The following ABCC4 variants were observed in gnomAD, a reference collection of about 807,000 sequenced individuals.
The protein encoded by ABCC4 is ATP binding cassette subfamily C member 4 (PEL blood group).
In ABCC4, 102 loss-of-function variants were observed where a neutral mutation model predicts 168.5. That is an observed-to-expected ratio of 0.61 (90% CI 0.52 to 0.71). The LOEUF is 0.71. ABCC4 is among the 30% of genes least tolerant of loss of function. ABCC4 has a pLI of 0.00. For synonymous variants in ABCC4, 617 were observed against 590.7 expected, an observed-to-expected ratio of 1.04 and a Z score of -0.65; for missense variants, 1,402 against 1,605.8, an observed-to-expected ratio of 0.87 and a Z score of 2.17.
chr13:95,167,002 C>T (rs148523342), intron 14 of ABCC4, among the ~76,000 whole-genome samples: 1,630 of 152,090 alleles, frequency 0.011, 16 homozygotes, highest in Non-Finnish European at 0.017. Context: ...GCCTGGCCAA[C>T]ATGATGAAAC....
intron 1 of ABCC4, among the ~76,000 whole-genome samples, chr13:95,273,274 G>C (rs2040888324): frequency 6.6e-6 from 1 of 152,210 alleles, no homozygotes; most frequent in South Asian, 2.1e-4. Flanking sequence ...GCTTTGACAA[G>C]GTAGGGCCTC....
intron 9 of ABCC4, among the ~76,000 whole-genome samples, chr13:95,194,037 T>C (rs2139642025): frequency 6.6e-6 from 1 of 152,332 alleles, no homozygotes; most frequent in South Asian, 2.1e-4. Context: ...GCCATAGTAG[T>C]GGCGTCTATG....
chr13:95,083,743 G>A (rs1325137735), intron 20 of ABCC4, among the ~76,000 whole-genome samples: 5 of 151,896 alleles, frequency 3.3e-5, no homozygotes, highest in South Asian at 2.1e-4. Flanking sequence ...GGCTGGTCTC[G>A]AACTCCCGAT....
chr13:95,142,727 A>G (rs951571492), intron 19 of ABCC4, among the ~76,000 whole-genome samples: 1 of 152,204 alleles, frequency 6.6e-6, no homozygotes, highest in Non-Finnish European at 1.5e-5. Flanking sequence ...TCATCATACT[A>G]CTTGTGAAAA....
intron 19 of ABCC4, among the ~76,000 whole-genome samples, chr13:95,126,062 A>G (rs1323774340): frequency 6.6e-6 from 1 of 152,214 alleles, no homozygotes; most frequent in Non-Finnish European, 1.5e-5. Flanking sequence ...TAAACCAGGA[A>G]CCACAGGACA....
intron 27 of ABCC4, among the ~76,000 whole-genome samples, chr13:95,050,401 G>T (rs2032778992): frequency 6.6e-6 from 1 of 152,096 alleles, no homozygotes; most frequent in Non-Finnish European, 1.5e-5. Context: ...AAGAATACAA[G>T]CACCCAGAAG....
At chr13:95,247,186 AC>A (rs764036345) in intron 2 of ABCC4, 91 bp from the exon 3 acceptor site, 3 of 1,408,392 alleles carry the variant, frequency 2.1e-6, no homozygotes, top group Non-Finnish European at 2.9e-6. Context: ...TGCATTTAAG[AC>A]AGGGCATTTT....
chr13:95,234,743 G>C lies in ABCC4; in HGVS notation c.398C>G (p.Thr133Arg), dbSNP rs1436317435. The change falls in exon 4 of 31, where the codon ACA becomes AGA. Residue 133 changes from threonine to arginine, a missense_variant. By Grantham distance (71) the Thr-to-Arg change is moderately conservative. Transcript: ENST00000645237. ...CAGCACCGTGGCATAGGCGTACGCT[G>C]TGTTCAAAGCCACAGAATCCATGGG... ...YDPMDSVALN[T>R]AYAYATVLTF... is the part of the protein sequence containing the mutation. 1 of 1,613,982 alleles carries C rather than the reference G, an allele frequency of 6.2e-7. No individual in the cohort carries two copies. The highest frequency in any genetic ancestry group is 8.5e-7 in the Non-Finnish European group (1 of 1,179,956).
intron 30 of ABCC4, among the ~76,000 whole-genome samples, chr13:95,030,685 G>T (rs2031840859): frequency 6.6e-6 from 1 of 152,106 alleles, no homozygotes; most frequent in African/African-American, 2.4e-5. Context: ...ATAGCCATCT[G>T]CAAGCCAAGG....
chr13:95,180,183 T>C (rs1012197574), intron 11 of ABCC4, among the ~76,000 whole-genome samples: 1 of 152,222 alleles, frequency 6.6e-6, no homozygotes, highest in African/African-American at 2.4e-5. Flanking sequence ...AAGTGCCCCA[T>C]TATGAAAATT....
intron 8 of ABCC4, among the ~76,000 whole-genome samples, chr13:95,199,144 T>C (rs1594283777): frequency 6.6e-6 from 1 of 152,236 alleles, no homozygotes; most frequent in East Asian, 1.9e-4. Flanking sequence ...AATAGAAATA[T>C]AAAAATATTT....
chr13:95,024,955 GAGA>G (rs1284830495), intron 30 of ABCC4, among the ~76,000 whole-genome samples: 1 of 151,996 alleles, frequency 6.6e-6, no homozygotes, highest in Non-Finnish European at 1.5e-5. Context: ...TGGCAAGGCT[GAGA>G]AGATGTCTAT....
chr13:95,281,165 C>G (rs1287932442), intron 1 of ABCC4, among the ~76,000 whole-genome samples: 2 of 151,754 alleles, frequency 1.3e-5, no homozygotes, highest in Admixed American at 1.3e-4. Flanking sequence ...CAAAAATTAG[C>G]TGGGTGTGGT....
chr13:95,196,823 A>G (rs2038470630), intron 8 of ABCC4, among the ~76,000 whole-genome samples: 2 of 152,062 alleles, frequency 1.3e-5, no homozygotes, highest in African/African-American at 4.8e-5. Context: ...ATACTGATAC[A>G]ATGTTTTCAC....
At chr13:95,282,850 G>A (rs2041161950) in intron 1 of ABCC4, among the ~76,000 whole-genome samples, 1 of 151,822 alleles carries the variant, frequency 6.6e-6, no homozygotes, top group Admixed American at 6.6e-5. Flanking sequence ...TGTTAAATAT[G>A]TTATGTGTGA....
At chr13:95,134,829 TACCAAATGCCCAG>T (rs1483079399) in intron 19 of ABCC4, among the ~76,000 whole-genome samples, 1 of 152,024 alleles carries the variant, frequency 6.6e-6, no homozygotes, top group East Asian at 1.9e-4. Flanking sequence ...AAGAGGGCAG[TACCAAATGCCCAG>T]AGGATCACCA....
In ABCC4 at chr13:95,188,318, G is replaced by T. The variant is rs1177171616; in HGVS notation, c.1353+135C>A. The T allele has an allele frequency of 3.9e-6, 3 of 768,138 alleles. No individual in the cohort carries two copies. In the South Asian group the frequency reaches 4.6e-5, roughly 12 times the overall value. 47.6% of individuals were successfully genotyped at this position (768,138 alleles called of 1,614,324 possible). On this transcript the variant is annotated intron_variant, in intron 10 of 30. Coordinates refer to ENST00000645237, the MANE Select transcript of ABCC4 (RefSeq NM_005845.5). ...ATGTGACCCTTCTTGCAAAACGAAT[G>T]TTCCATGCACTGAGAAATGCCGTGC...
chr13:95,146,445 C>T (rs1057340793), intron 19 of ABCC4, among the ~76,000 whole-genome samples: 4 of 152,172 alleles, frequency 2.6e-5, no homozygotes, highest in African/African-American at 9.7e-5. Context: ...AATACCCAGA[C>T]AGAATTCACA....
chr13:95,170,707 T>C (rs2037440523), intron 13 of ABCC4, 79 bp from the exon 14 acceptor site: 2 of 836,182 alleles, frequency 2.4e-6, no homozygotes, highest in Non-Finnish European at 3.8e-6. Context: ...TTTGAAACCG[T>C]AGTCAAAGAC....
Sources: gnomAD v4.1 joint callset for allele counts (sites outside exome capture counted in the v4.1 genomes callset) on GRCh38, gnomAD v4.1.1 for gene constraint, MANE v1.5 for transcripts, NCBI Gene and HGNC (gene_info 2026-07-23, HGNC 2026-07-21) for gene names.